Variants in TRAF4 observed in about 807,000 individuals in gnomAD.
TRAF4 encodes the protein TNF receptor associated factor 4, also known as TNF receptor-associated factor 4.
In TRAF4, 9 loss-of-function variants were observed where a neutral mutation model predicts 47.3. The ratio of observed to expected loss-of-function variants is 0.19; its 90% CI spans 0.11 to 0.33. TRAF4 has a LOEUF of 0.33. TRAF4 is among the 10% of genes least tolerant of loss of function. TRAF4 has a pLI of 1.00. For synonymous variants in TRAF4, 236 were observed against 236.9 expected, an observed-to-expected ratio of 1.00 and a Z score of 0.04; for missense variants, 448 against 620.3, an observed-to-expected ratio of 0.72 and a Z score of 2.95.
chr17:28,750,233 G>C lies in TRAF4; in HGVS notation c.*656G>C. On this transcript the variant is annotated 3_prime_UTR_variant, in exon 7 of 7. Coordinates refer to ENST00000262395, the MANE Select transcript of TRAF4 (RefSeq NM_004295.4). ...CTGGCTCGCCCTCTGATGGACGCCG[G>C]GAAAACTGCATCGGGCTTTGTGTGG... is the stretch of plus-strand genomic sequence containing the variant. 1 of 315,926 alleles carries C rather than the reference G, an allele frequency of 3.2e-6. No individual in the cohort carries two copies. The highest frequency in any genetic ancestry group is 5.9e-6 in the Non-Finnish European group (1 of 170,020). The allele number at this position is 315,926 out of a possible 1,614,324, so 19.6% of individuals were successfully genotyped here.
rs904748230 is a variant in TRAF4, at chr17:28,748,139, C to T, written c.423C>T (p.Cys141=). Residue 141 remains cysteine (C), a synonymous_variant, in exon 4 of 7, where the codon TGC becomes TGT. Transcript: ENST00000262395. ...QHDCPKRRLK[C]EFCGCDFSGE... ...ACTGCCCCAAGCGGCGCCTCAAGTG[C>T]GAGTTTTGTGGCTGTGACTTCAGTG... The T allele has an allele frequency of 1.2e-6, 2 of 1,614,040 alleles. No individual in the cohort carries two copies. Among genetic ancestry groups the T allele is most frequent in the Non-Finnish European group, 1.7e-6 (2 of 1,180,030 alleles).
rs931731337 is a variant in TRAF4, at chr17:28,750,198, A to G, written c.*621A>G. The G allele has an allele frequency of 7.9e-6, 3 of 381,172 alleles. No homozygotes were observed. The highest frequency in any genetic ancestry group is 1.4e-5 in the Non-Finnish European group (3 of 210,704). 23.6% of individuals were successfully genotyped at this position (381,172 alleles called of 1,614,324 possible). On this transcript the variant is annotated 3_prime_UTR_variant, in exon 7 of 7. Transcript: ENST00000262395. The stretch of plus-strand genomic sequence containing the variant: ...CTGCCTGGGTCTGGCCCCAGGATCC[A>G]GCTTACCTGCTGGCTCGCCCTCTGA...
chr17:28,749,492 A>G lies in TRAF4; in HGVS notation c.1328A>G (p.Gln443Arg), dbSNP rs764726724. ...GFGYPKFISH[Q>R]DIRKRNYVRD... ...GGTTATCCCAAGTTCATCTCCCACC[A>G]GGACATTCGAAAGCGAAACTATGTG... Residue 443 changes from glutamine to arginine, a missense_variant, in exon 7 of 7, where the codon CAG (glutamine) becomes CGG (arginine). Physicochemically the swap from Gln to Arg is conservative, Grantham distance 43 (BLOSUM62 1). Coordinates refer to ENST00000262395, the MANE Select transcript of TRAF4 (RefSeq NM_004295.4). 2.5e-6 allele frequency: 4 copies of G among 1,613,808 alleles called. No individual in the cohort carries two copies. Among genetic ancestry groups the G allele is most frequent in the Non-Finnish European group, 3.4e-6 (4 of 1,180,034 alleles).
intron 2 of TRAF4, 82 bp from the exon 3 acceptor site, chr17:28,747,761 C>T: frequency 7.2e-7 from 1 of 1,393,936 alleles, no homozygotes; most frequent in South Asian, 1.3e-5. Context: ...CAAGGTAGAG[C>T]CAGCCCAGTT....
Position 28,744,018 on chromosome 17 carries a change from G to C in TRAF4, c.-95G>C. ...GCCCTGGCCGCGACCGCCAGTCGGC[G>C]CCGCCCGGAGCCGGGAGCGCCGCTC... On this transcript the variant is annotated 5_prime_UTR_variant, in exon 1 of 7. Coordinates refer to ENST00000262395, the MANE Select transcript of TRAF4 (RefSeq NM_004295.4). The C allele has an allele frequency of 2.9e-6, 3 of 1,017,192 alleles. No homozygotes were observed. The highest frequency in any genetic ancestry group is 2.3e-6 in the Non-Finnish European group (2 of 853,140). The allele number at this position is 1,017,192 out of a possible 1,614,324, so 63.0% of individuals were successfully genotyped here. A position where few individuals can be genotyped will look rare whatever the true frequency, so the allele number is the denominator to read the frequency against.
Position 28,747,263 on chromosome 17 carries a change from AG to A in TRAF4, c.195+1del. 1 of 1,613,398 alleles carries A rather than the reference AG, an allele frequency of 6.2e-7. No homozygotes were observed. The highest frequency in any genetic ancestry group is 2.2e-5 in the East Asian group (1 of 44,852). On this transcript the variant is annotated frameshift_variant and splice_region_variant, in exon 2 of 7. Transcript: ENST00000262395. LOFTEE classifies it high-confidence loss of function. ...GACCAGCTTCCTCTGGACTATGCCA[AG>A]GTGAGTCCACACTGCCAGGAAGAAG... ...PEDQLPLDYA[K>X]IYPDPELEVQ...
At chr17:28,744,968 G>A (rs2034486456) in intron 1 of TRAF4, 1 of 152,332 alleles carries the variant, frequency 6.6e-6, no homozygotes, top group Non-Finnish European at 1.5e-5. Context: ...GTTAGCCCTT[G>A]GCTCTTGGGC....
chr17:28,749,150 A>G lies in TRAF4; in HGVS notation c.986A>G (p.Asn329Ser), dbSNP rs1365945854. Residue 329 changes from asparagine (N) to serine (S), a missense_variant, in exon 7 of 7, where the codon AAC (asparagine) becomes AGC (serine). Coordinates refer to ENST00000262395, the MANE Select transcript of TRAF4 (RefSeq NM_004295.4). ...RRLQEAKAKPNLECFSPAFYT... is the reference protein window; with the variant it reads ...RRLQEAKAKPSLECFSPAFYT... ...CTACAGGAGGCCAAGGCCAAGCCCA[A>G]CCTTGAGTGCTTCAGCCCAGCCTTC... The G allele has an allele frequency of 6.2e-7, 1 of 1,613,942 alleles. No individual in the cohort carries two copies. The highest frequency in any genetic ancestry group is 1.3e-5 in the African/African-American group (1 of 74,926).
At position 28,749,352 on chromosome 17, in the gene TRAF4, T is replaced by G; in HGVS notation, c.1188T>G (p.Pro396=). The change falls in exon 7 of 7, where the codon CCT becomes CCG. Residue 396 remains proline, a synonymous_variant. Transcript: ENST00000262395. ...TCTCCCTGCTGGATCAGAGCGACCC[T>G]GGGCTGGCTAAACCACAGCACGTCA... The part of the protein sequence containing the change: ...VTFSLLDQSD[P]GLAKPQHVTE... 2 of 1,614,030 alleles carry G rather than the reference T, an allele frequency of 1.2e-6. No individual in the cohort carries two copies. The highest frequency in any genetic ancestry group is 1.7e-6 in the Non-Finnish European group (2 of 1,180,028).
At chr17:28,748,788 C>T in intron 6 of TRAF4, 122 bp downstream of exon 6, 1 of 1,492,890 alleles carries the variant, frequency 6.7e-7, no homozygotes, top group Non-Finnish European at 8.9e-7. Flanking sequence ...CTCAGTCCTT[C>T]CCTCTGCTGC....
chr17:28,748,950 T>C lies in TRAF4; in HGVS notation c.786T>C (p.Pro262=). Residue 262 remains proline, a synonymous_variant, in exon 7 of 7, where the codon CCT becomes CCC. Coordinates refer to ENST00000262395, the MANE Select transcript of TRAF4 (RefSeq NM_004295.4). ...FKDSGCKHRC[P]KLAMARHVEE... is the part of the protein sequence containing the mutation. ...GCCTGGGGCTTTGCCAACAGTGCCC[T>C]AAGCTGGCAATGGCACGGCATGTGG... 2 of 1,609,900 alleles carry C rather than the reference T, an allele frequency of 1.2e-6. No homozygotes were observed. The highest frequency in any genetic ancestry group is 1.3e-5 in the African/African-American group (1 of 75,022).
intron 1 of TRAF4, chr17:28,745,013 A>G (rs2034487201): frequency 6.6e-6 from 1 of 152,316 alleles, no homozygotes; most frequent in Non-Finnish European, 1.5e-5. Context: ...GTATGTCTTG[A>G]ATCTCCTGCT....
chr17:28,748,953 G>A lies in TRAF4; in HGVS notation c.789G>A (p.Lys263=). 6.2e-7 allele frequency: 1 copy of A among 1,610,280 alleles called. No individual in the cohort carries two copies. Among genetic ancestry groups the A allele is most frequent in the Non-Finnish European group, 8.5e-7 (1 of 1,178,250 alleles). Reference sequence around the variant, plus strand: ...TGGGGCTTTGCCAACAGTGCCCTAAGCTGGCAATGGCACGGCATGTGGAGG... The same window carrying A: ...TGGGGCTTTGCCAACAGTGCCCTAAACTGGCAATGGCACGGCATGTGGAGG... ...KDSGCKHRCP[K]LAMARHVEES... Residue 263 remains lysine (K), a synonymous_variant, in exon 7 of 7, where the codon AAG becomes AAA. Transcript: ENST00000262395.
Position 28,750,013 on chromosome 17 carries a change from T to C in TRAF4, c.*436T>C, listed in dbSNP as rs1188902648. 3.2e-6 allele frequency: 2 copies of C among 617,724 alleles called. No homozygotes were observed. The highest frequency in any genetic ancestry group is 3.6e-5 in the South Asian group (2 of 55,008). 38.3% of individuals were successfully genotyped at this position (617,724 alleles called of 1,614,324 possible). On this transcript the variant is annotated 3_prime_UTR_variant, in exon 7 of 7. Transcript: ENST00000262395. ...GCTGTGCCCCCTCTGGTTATTTATT[T>C]CCTTAGTGCCAGGAGGGCACAGCAG...
chr17:28,749,290 A>G lies in TRAF4; in HGVS notation c.1126A>G (p.Asn376Asp). 2 of 1,614,086 alleles carry G rather than the reference A, an allele frequency of 1.2e-6. No individual in the cohort carries two copies. Among genetic ancestry groups the G allele is most frequent in the Non-Finnish European group, 1.7e-6 (2 of 1,180,038 alleles). Residue 376 changes from asparagine to aspartate, a missense_variant, in exon 7 of 7, where the codon AAT becomes GAT. Asn to Asp is a conservative substitution (Grantham distance 23). Coordinates refer to ENST00000262395, the MANE Select transcript of TRAF4 (RefSeq NM_004295.4). ...YIRVLPGAFD[N>D]LLEWPFARRV... is the part of the protein sequence containing the mutation. The stretch of plus-strand genomic sequence containing the variant: ...TCGTGTGCTGCCTGGTGCCTTTGAC[A>G]ATCTCCTTGAGTGGCCCTTTGCCCG...
intron 1 of TRAF4, 91 bp downstream of exon 1, chr17:28,744,346 T>A (rs554351294): frequency 2.0e-5 from 28 of 1,418,964 alleles, no homozygotes; most frequent in Middle Eastern, 5.0e-4. Flanking sequence ...AGGCGGGCCT[T>A]TGTCTGCGCT....
At position 28,750,171 on chromosome 17, in the gene TRAF4, C is replaced by G; in HGVS notation, c.*594C>G. The G allele has an allele frequency of 2.3e-6, 1 of 436,338 alleles. No homozygotes were observed. Among genetic ancestry groups the G allele is most frequent in the Non-Finnish European group, 4.1e-6 (1 of 243,994 alleles). The allele number at this position is 436,338 out of a possible 1,614,324, so 27.0% of individuals were successfully genotyped here. ...AAGAAAGGACCAGTCAGAGAAGGGC[C>G]GCTGCCTGGGTCTGGCCCCAGGATC... is the stretch of plus-strand genomic sequence containing the variant. On this transcript the variant is annotated 3_prime_UTR_variant, in exon 7 of 7. Coordinates refer to ENST00000262395, the MANE Select transcript of TRAF4 (RefSeq NM_004295.4).
intron 4 of TRAF4, 24 bp downstream of exon 4, chr17:28,748,202 G>A (rs1240264664): frequency 6.2e-7 from 1 of 1,613,402 alleles, no homozygotes; most frequent in East Asian, 2.2e-5. Context: ...GGCTGAATGT[G>A]GAGGAGGGGG....
intron 1 of TRAF4, among the ~76,000 whole-genome samples, chr17:28,746,482 G>A (rs1449336736): frequency 1.3e-5 from 2 of 152,214 alleles, no homozygotes; most frequent in African/African-American, 4.8e-5. Flanking sequence ...TGTGCTTGCT[G>A]GACATTTTTC....
Sources: gnomAD v4.1 joint callset for allele counts (sites outside exome capture counted in the v4.1 genomes callset) on GRCh38, gnomAD v4.1.1 for gene constraint, MANE v1.5 for transcripts, NCBI Gene and HGNC (gene_info 2026-07-23, HGNC 2026-07-21) for gene names.